The following FNDC5 variants were observed in gnomAD, a reference collection of about 807,000 sequenced individuals.
FNDC5 encodes the protein fibronectin type III domain containing 5.
Under a neutral mutation model 24.6 loss-of-function variants are expected in FNDC5, and 10 were observed. The ratio of observed to expected loss-of-function variants is 0.41; its 90% confidence interval spans 0.25 to 0.69. The LOEUF is 0.69. Ranked by LOEUF, FNDC5 falls within the 30% of genes least tolerant of loss-of-function variation. The probability of loss-of-function intolerance (pLI) is 0.34; values close to 1 mark genes in which losing one functional copy is unlikely to be tolerated. For missense variants in FNDC5, 226 were observed against 282.9 expected (o/e 0.80, Z 1.44); for synonymous variants, 90 against 110.7 (o/e 0.81, Z 1.18).
Position 32,870,728 on chromosome 1 carries a change from T to C in FNDC5, c.19A>G (p.Ser7Gly). The change falls in exon 1 of 6, where the codon AGC becomes GGC. Residue 7 changes from serine to glycine, a missense_variant. Physicochemically the swap from Ser to Gly is moderately conservative, Grantham distance 56 (BLOSUM62 0). Coordinates refer to ENST00000373471, the MANE Select transcript of FNDC5 (RefSeq NM_153756.3). ...GCGCGGGCGCGGGGCGGCCAGGCGC[T>C]CGGCGACCCGGGGTGTATGGTGGCT... 1 of 1,167,916 alleles carries C rather than the reference T, an allele frequency of 8.6e-7. No homozygotes were observed. The highest frequency in any genetic ancestry group is 4.7e-5 in the Admixed American group (1 of 21,366). 72.3% of individuals were successfully genotyped at this position (1,167,916 alleles called of 1,614,324 possible).
chr1:32,868,194 G>C lies in FNDC5; in HGVS notation c.405C>G (p.Asn135Lys). 1 of 1,614,006 alleles carries C rather than the reference G, an allele frequency of 6.2e-7. No individual in the cohort carries two copies. The highest frequency in any genetic ancestry group is 1.1e-5 in the South Asian group (1 of 91,072). Residue 135 changes from asparagine to lysine, a missense_variant, in exon 3 of 6, where the codon AAC becomes AAG. Transcript: ENST00000373471. The surrounding 1 kb of genome is among the most constrained non-coding windows in gnomAD (Gnocchi z 4.8). ...TTAACAGTGACCCGGGCCTGCCTTTGTTCTTGGAGGCCATCTTCTCAGCCT... is the reference window on the plus strand; with the variant it reads ...TTAACAGTGACCCGGGCCTGCCTTTCTTCTTGGAGGCCATCTTCTCAGCCT...
At chr1:32,865,101 G>GT (rs1186390323) in intron 4 of FNDC5, among the ~76,000 whole-genome samples, 1 of 151,784 alleles carries the variant, frequency 6.6e-6, no homozygotes, top group Non-Finnish European at 1.5e-5. Flanking sequence ...CTTTGGTTTT[G>GT]TTTTTTTGTT....
Position 32,863,536 on chromosome 1 carries a change from A to T in FNDC5, c.*758T>A. 4.7e-6 allele frequency: 2 copies of T among 429,106 alleles called. No individual in the cohort carries two copies. The highest frequency in any genetic ancestry group is 4.1e-6 in the Non-Finnish European group (1 of 243,134). 26.6% of individuals were successfully genotyped at this position (429,106 alleles called of 1,614,324 possible). ...TTTCCAGAATGGGGCCAGGCCTTTT[A>T]GTTTTGTGGCTTATTTTTATTTTTT... On this transcript the variant is annotated 3_prime_UTR_variant, in exon 6 of 6. Coordinates refer to ENST00000373471, the MANE Select transcript of FNDC5 (RefSeq NM_153756.3).
At chr1:32,867,922 G>T in intron 3 of FNDC5, 80 bp from the exon 4 acceptor site, 3 of 1,396,566 alleles carry the variant, frequency 2.1e-6, no homozygotes, top group Non-Finnish European at 3.0e-6. Flanking sequence ...AGACAACAGT[G>T]CTGATTTCTA....
At position 32,863,785 on chromosome 1, in the gene FNDC5, A is replaced by G. The variant is rs191148874; in HGVS notation, c.*509T>C. 7.7e-7 allele frequency: 1 copy of G among 1,304,550 alleles called. No homozygotes were observed. 80.8% of individuals were successfully genotyped at this position (1,304,550 alleles called of 1,614,324 possible). On this transcript the variant is annotated 3_prime_UTR_variant, in exon 6 of 6. Coordinates refer to ENST00000373471, the MANE Select transcript of FNDC5 (RefSeq NM_153756.3). The stretch of plus-strand genomic sequence containing the variant: ...GAGGGCTTGTTTGGAAACTGGGAGG[A>G]AAAAAATGAGAGAAGCAGCCAGGCC...
intron 1 of FNDC5, among the ~76,000 whole-genome samples, chr1:32,869,207 G>T (rs1022132636): frequency 6.6e-6 from 1 of 152,274 alleles, no homozygotes; most frequent in Non-Finnish European, 1.5e-5. Flanking sequence ...CTCATGACTG[G>T]GACGGAAGCC....
intron 1 of FNDC5, among the ~76,000 whole-genome samples, chr1:32,870,031 C>G (rs974847314): frequency 6.6e-6 from 1 of 151,994 alleles, no homozygotes; most frequent in Non-Finnish European, 1.5e-5. Context: ...AAGACAGCTG[C>G]GAGAGAGCGC....
chr1:32,869,753 T>C (rs891048286), intron 1 of FNDC5, among the ~76,000 whole-genome samples: 1 of 151,062 alleles, frequency 6.6e-6, no homozygotes, highest in African/African-American at 2.4e-5. Context: ...GTGATAGGGA[T>C]AGTGGGGGTC....
rs1008030765 is a variant in FNDC5 at position 32,863,467 on chromosome 1, G to C, written c.*827C>G. The C allele has an allele frequency of 9.4e-6, 3 of 320,656 alleles. No individual in the cohort carries two copies. Among genetic ancestry groups the C allele is most frequent in the African/African-American group, 6.5e-5 (3 of 46,380 alleles). 19.9% of individuals were successfully genotyped at this position (320,656 alleles called of 1,614,324 possible). On this transcript the variant is annotated 3_prime_UTR_variant, in exon 6 of 6. Coordinates refer to ENST00000373471, the MANE Select transcript of FNDC5 (RefSeq NM_153756.3). Reference sequence around the variant, plus strand: ...TTTCTCAAAGAGGAAGCCAGTCCAGGAGAGGCGAGGAGGCAGAAGGCTGTG... The same window carrying C: ...TTTCTCAAAGAGGAAGCCAGTCCAGCAGAGGCGAGGAGGCAGAAGGCTGTG...
chr1:32,871,530 A>G (rs1641184488), upstream of FNDC5, among the ~76,000 whole-genome samples: 1 of 152,188 alleles, frequency 6.6e-6, no homozygotes, highest in Admixed American at 6.5e-5. Flanking sequence ...GGGGCCAGAT[A>G]CTATGCTGAG....
chr1:32,871,788 C>A (rs1641188877), upstream of FNDC5, among the ~76,000 whole-genome samples: 1 of 152,162 alleles, frequency 6.6e-6, no homozygotes, highest in African/African-American at 2.4e-5. Flanking sequence ...GGGGCCAGCT[C>A]CTCCCCAGCC....
Position 32,863,658 on chromosome 1 carries a change from A to G in FNDC5, c.*636T>C, listed in dbSNP as rs992299853. 7.1e-6 allele frequency: 9 copies of G among 1,260,438 alleles called. No individual in the cohort carries two copies. Among genetic ancestry groups the G allele is most frequent in the Non-Finnish European group, 7.4e-6 (7 of 949,352 alleles). The allele number at this position is 1,260,438 out of a possible 1,614,324, so 78.1% of individuals were successfully genotyped here. A position where few individuals can be genotyped will look rare whatever the true frequency, so the allele number is the denominator to read the frequency against. ...AGCTGTGCCTCCTCCCCACTGCTGC[A>G]GTTGTCCCTCTCCCTGTGCCCGTGG... On this transcript the variant is annotated 3_prime_UTR_variant, in exon 6 of 6. Coordinates refer to ENST00000373471, the MANE Select transcript of FNDC5 (RefSeq NM_153756.3).
Position 32,867,817 on chromosome 1 carries a change from C to G in FNDC5, c.435G>C (p.Gly145=). The change falls in exon 4 of 6, where the codon GGG becomes GGC. Residue 145 remains glycine (G), a synonymous_variant. Coordinates refer to ENST00000373471, the MANE Select transcript of FNDC5 (RefSeq NM_153756.3). Reference sequence around the variant, plus strand: ...CGCCTGTCCGCAGCTGTTGGTTCCTCCCCATCTCTTTCATGGTTACCTCAT... The same window carrying G: ...CGCCTGTCCGCAGCTGTTGGTTCCTGCCCATCTCTTTCATGGTTACCTCAT... 6 of 1,614,064 alleles carry G rather than the reference C, an allele frequency of 3.7e-6. No homozygotes were observed. The highest frequency in any genetic ancestry group is 5.1e-6 in the Non-Finnish European group (6 of 1,180,006).
In FNDC5 at chr1:32,863,855, A is replaced by G; in HGVS notation, c.*439T>C. ...TGCAAGGCTGGAAACAGGACAGAAG[A>G]AGGAAGGGAGCAGCAGCAGGGCTGT... On this transcript the variant is annotated 3_prime_UTR_variant, in exon 6 of 6. Transcript: ENST00000373471. The G allele has an allele frequency of 7.6e-7, 1 of 1,307,266 alleles. No homozygotes were observed. Among genetic ancestry groups the G allele is most frequent in the Non-Finnish European group, 1.0e-6 (1 of 991,044 alleles). 81.0% of individuals were successfully genotyped at this position (1,307,266 alleles called of 1,614,324 possible).
intron 4 of FNDC5, 33 bp from the exon 5 acceptor site, chr1:32,864,830 G>A (rs753778328): frequency 3.7e-6 from 6 of 1,612,346 alleles, no homozygotes; most frequent in Non-Finnish European, 5.1e-6. Flanking sequence ...TCAGAGGCCA[G>A]AGCCTGGGTT....
intron 4 of FNDC5, 71 bp downstream of exon 4, chr1:32,867,682 G>T: frequency 6.9e-7 from 1 of 1,447,794 alleles, no homozygotes; most frequent in Non-Finnish European, 9.6e-7. Flanking sequence ...TTTCATGAGA[G>T]AAGGGGCTGG....
upstream of FNDC5, among the ~76,000 whole-genome samples, chr1:32,872,131 T>C (rs1015831210): frequency 6.6e-6 from 1 of 152,082 alleles, no homozygotes; most frequent in East Asian, 1.9e-4. Flanking sequence ...GGAAGTGAGG[T>C]CTACCGATGG....
chr1:32,867,641 C>G, intron 4 of FNDC5, 112 bp downstream of exon 4: 1 of 1,007,806 alleles, frequency 9.9e-7, no homozygotes, highest in Non-Finnish European at 1.5e-6. Context: ...AGACTTTTCA[C>G]CTTAGAGATG....
At chr1:32,869,371 C>T (rs1641134921) in intron 1 of FNDC5, among the ~76,000 whole-genome samples, 1 of 152,224 alleles carries the variant, frequency 6.6e-6, no homozygotes, top group South Asian at 2.1e-4. Flanking sequence ...TGATGAAAAG[C>T]AGACAAAAGG....
Sources: allele counts gnomAD v4.1 joint callset (sites outside exome capture counted in the v4.1 genomes callset), GRCh38; gene constraint gnomAD v4.1.1; non-coding constraint Gnocchi (gnomAD v3.1); transcripts MANE v1.5; gene names NCBI Gene and HGNC (gene_info 2026-07-23, HGNC 2026-07-21).